Variants in CHD2 observed in about 807,000 individuals in gnomAD.
CHD2 encodes the protein chromodomain helicase DNA binding protein 2.
In CHD2, 28 loss-of-function variants were observed where a neutral mutation model predicts 243.9. That is an observed-to-expected ratio of 0.11 (90% CI 0.09 to 0.16). The LOEUF (loss-of-function observed/expected upper bound fraction) is 0.16. CHD2 is among the 10% of genes least tolerant of loss of function. The probability of loss-of-function intolerance (pLI) is 1.00; values close to 1 mark genes in which losing one functional copy is unlikely to be tolerated. For synonymous variants in CHD2, 775 were observed against 779.0 expected (o/e 0.99, Z 0.09); for missense variants, 1,386 against 2,209.8 (o/e 0.63, Z 7.47).
chr15:92,977,432 C>A (rs542284500), intron 20 of CHD2, among the ~76,000 whole-genome samples: 1 of 152,214 alleles, frequency 6.6e-6, no homozygotes, highest in Non-Finnish European at 1.5e-5. Context: ...TTCAATGCTG[C>A]TTCTCTCTGC....
intron 17 of CHD2, among the ~76,000 whole-genome samples, 186 bp from the exon 18 acceptor site, chr15:92,971,579 G>A (rs1321194766): frequency 1.3e-5 from 2 of 152,122 alleles, no homozygotes; most frequent in South Asian, 4.1e-4. Context: ...TCCTAATTCT[G>A]ACTGGAGATG....
rs1043155660 is a variant in CHD2, at chr15:92,967,238, T to C, written c.2001-87T>C. 1.1e-5 allele frequency: 10 copies of C among 931,590 alleles called. No homozygotes were observed. The East Asian group carries it at 2.1e-4, about 20-fold the overall frequency. 57.7% of individuals were successfully genotyped at this position (931,590 alleles called of 1,614,324 possible). ...TAGTGATTGATAATGTCTTTCCTTA[T>C]GGGAAAGATTCATTTTTTTACAGTT... On this transcript the variant is annotated intron_variant, in intron 16 of 38. Transcript: ENST00000394196.
At chr15:92,971,527 T>C (rs1396508525) in intron 17 of CHD2, among the ~76,000 whole-genome samples, 3 of 152,218 alleles carry the variant, frequency 2.0e-5, no homozygotes, top group African/African-American at 7.2e-5. Context: ...CTAGTATTCC[T>C]GTGTTCAGTG....
At chr15:93,008,743 T>G (rs2054353956) in intron 34 of CHD2, among the ~76,000 whole-genome samples, 1 of 152,226 alleles carries the variant, frequency 6.6e-6, no homozygotes, top group Non-Finnish European at 1.5e-5. Flanking sequence ...CTTGCTTTCT[T>G]TCAAGCCTGA....
chr15:92,971,386 TAC>T (rs903038877), intron 17 of CHD2, among the ~76,000 whole-genome samples: 18 of 152,246 alleles, frequency 1.2e-4, no homozygotes, highest in Non-Finnish European at 2.4e-4. Flanking sequence ...AGCCTTTGTG[TAC>T]ACACACACAC....
chr15:93,007,836 C>A (rs2054340701), intron 34 of CHD2, among the ~76,000 whole-genome samples: 1 of 152,214 alleles, frequency 6.6e-6, no homozygotes, highest in Non-Finnish European at 1.5e-5. Flanking sequence ...ATTGCTTCAA[C>A]TTTGTTTCAC....
intron 26 of CHD2, among the ~76,000 whole-genome samples, chr15:92,989,311 C>T (rs1226836346): frequency 6.6e-6 from 1 of 152,150 alleles, no homozygotes; most frequent in African/African-American, 2.4e-5. Flanking sequence ...GGATTACAGG[C>T]GTGAGCCACC....
chr15:93,010,440 CAG>C (rs1229584318), intron 35 of CHD2, among the ~76,000 whole-genome samples: 1 of 140,944 alleles, frequency 7.1e-6, no homozygotes, highest in African/African-American at 2.7e-5. Context: ...TTAAATGAGA[CAG>C]AGTCTGACTC....
Position 93,016,093 on chromosome 15 carries a change from T to TA in CHD2, c.4906+1185dup, listed in dbSNP as rs200482094. Among the ~76,000 whole-genome samples the TA allele has an allele frequency of 8.4e-3, 1,277 of 152,338 alleles. 58 individuals carry two copies. Among genetic ancestry groups the TA allele is most frequent in the Admixed American group, 0.071 (1,093 of 15,304 alleles). On this transcript the variant is annotated intron_variant, in intron 37 of 38. Coordinates refer to ENST00000394196, the MANE Select transcript of CHD2 (RefSeq NM_001271.4). ...GCAGCATTATTTACGATAGCCAAGA[T>TA]ACGTAATCATCCTAAGTGCCCATCA...
chr15:93,020,301 G>A, intron 38 of CHD2, 43 bp downstream of exon 38: 3 of 1,612,818 alleles, frequency 1.9e-6, no homozygotes, highest in Middle Eastern at 3.3e-4. Flanking sequence ...ACCTTTGCCA[G>A]GAGCTGTTTC....
chr15:93,012,803 A>G (rs1466792323), intron 36 of CHD2, among the ~76,000 whole-genome samples: 1 of 152,070 alleles, frequency 6.6e-6, no homozygotes, highest in Non-Finnish European at 1.5e-5. Flanking sequence ...TGGACCATCT[A>G]TTTGGTGTCC....
intron 33 of CHD2, among the ~76,000 whole-genome samples, chr15:93,002,600 C>T (rs1279524482): frequency 1.3e-5 from 2 of 152,152 alleles, no homozygotes; most frequent in African/African-American, 2.4e-5. Context: ...TGAGAGAAAT[C>T]GGCATTTACA....
Position 92,978,325 on chromosome 15 carries a change from A to G in CHD2, c.2669A>G (p.Asn890Ser). ...DTVVIFDSDW[N>S]PQNDLQAQAR... ...GTCGTCATCTTTGACTCTGACTGGA[A>G]CCCCCAGAATGACTTGCAGGCACAA... is the stretch of plus-strand genomic sequence containing the variant. The change falls in exon 21 of 39, where the codon AAC becomes AGC. Residue 890 changes from asparagine (N) to serine (S), a missense_variant. By Grantham distance (46) the Asn-to-Ser change is conservative (BLOSUM62 1). Transcript: ENST00000394196. 1 of 1,613,898 alleles carries G rather than the reference A, an allele frequency of 6.2e-7. No homozygotes were observed.
chr15:92,984,565 T>G (rs2054016994), intron 25 of CHD2, 65 bp downstream of exon 25: 2 of 1,427,274 alleles, frequency 1.4e-6, no homozygotes, highest in South Asian at 1.6e-5. Flanking sequence ...GAAGTGTTGA[T>G]TATTCAAAGA....
At chr15:92,918,818 CATAT>C (rs968649803) in intron 2 of CHD2, among the ~76,000 whole-genome samples, 17 of 151,420 alleles carry the variant, frequency 1.1e-4, no homozygotes, top group South Asian at 2.1e-4. Context: ...CATATATACA[CATAT>C]ACATATATAT....
intron 38 of CHD2, chr15:93,021,128 T>C (rs963792535): frequency 6.6e-6 from 1 of 152,242 alleles, no homozygotes; most frequent in African/African-American, 2.4e-5. Flanking sequence ...AGTGTTTGTA[T>C]ATATGCCTGA....
intron 2 of CHD2, among the ~76,000 whole-genome samples, chr15:92,919,438 G>C (rs1001922059): frequency 6.6e-6 from 1 of 151,852 alleles, no homozygotes; most frequent in Non-Finnish European, 1.5e-5. Context: ...TGTTGCCCAG[G>C]CTGGAGTGCA....
At chr15:92,957,457 C>T (rs540330726) in intron 16 of CHD2, among the ~76,000 whole-genome samples, 1 of 152,164 alleles carries the variant, frequency 6.6e-6, no homozygotes, top group Non-Finnish European at 1.5e-5. Flanking sequence ...TATCCCTAAC[C>T]TGTTTTAGTG....
chr15:93,006,720 G>A (rs751116534), intron 34 of CHD2, among the ~76,000 whole-genome samples: 4 of 152,194 alleles, frequency 2.6e-5, no homozygotes, highest in Non-Finnish European at 4.4e-5. Flanking sequence ...CGGCATGAGA[G>A]GTTGGGTCCA....
Sources: gnomAD v4.1 joint callset for allele counts (sites outside exome capture counted in the v4.1 genomes callset) on GRCh38, gnomAD v4.1.1 for gene constraint, MANE v1.5 for transcripts, NCBI Gene and HGNC (gene_info 2026-07-23, HGNC 2026-07-21) for gene names.